Variants in RPS6KC1 observed in about 807,000 individuals in gnomAD.
RPS6KC1 encodes the protein inactive ribosomal protein S6 kinase delta-1.
Under a neutral mutation model 103.8 loss-of-function variants are expected in RPS6KC1, and 54 were observed. That is an observed-to-expected ratio of 0.52 (90% CI 0.42 to 0.65). The LOEUF is 0.65. Ranked by LOEUF, RPS6KC1 falls within the 30% of genes least tolerant of loss-of-function variation. The pLI is 0.00. For missense variants in RPS6KC1, 1,151 were observed against 1,253.8 expected (o/e 0.92, Z 1.24); for synonymous variants, 439 against 438.7 (o/e 1.00, Z -0.01).
At chr1:213,701,091 A>G in the RPS6KC1 span, among the ~76,000 whole-genome samples, 1 of 151,988 alleles carries the variant, frequency 6.6e-6, no homozygotes, top group Admixed American at 6.5e-5. Context: ...CCAGTGTTAC[A>G]TTGAATAACA....
the RPS6KC1 span, among the ~76,000 whole-genome samples, chr1:213,630,909 A>G: frequency 6.6e-6 from 1 of 152,184 alleles, no homozygotes; most frequent in African/African-American, 2.4e-5. Flanking sequence ...TGAACAGCAA[A>G]TGTTGCTGTC....
chr1:213,453,702 G>A, the RPS6KC1 span, among the ~76,000 whole-genome samples: 5 of 152,124 alleles, frequency 3.3e-5, no homozygotes, highest in South Asian at 4.1e-4. Context: ...GTTGAAAGTC[G>A]CTGAACAAGT....
At chr1:213,530,449 C>T in the RPS6KC1 span, among the ~76,000 whole-genome samples, 1 of 152,288 alleles carries the variant, frequency 6.6e-6, no homozygotes, top group Non-Finnish European at 1.5e-5. Flanking sequence ...CAGGTCTGTC[C>T]CCAACTATGT....
chr1:213,177,052 G>T (rs2091921400), intron 8 of RPS6KC1, among the ~76,000 whole-genome samples: 1 of 152,014 alleles, frequency 6.6e-6, no homozygotes, highest in Non-Finnish European at 1.5e-5. Flanking sequence ...TACTTTTTTT[G>T]ACTCAAAAGC....
intron 1 of RPS6KC1, among the ~76,000 whole-genome samples, chr1:213,058,452 G>GT (rs569180530): frequency 1.5e-3 from 216 of 141,990 alleles, no homozygotes; most frequent in African/African-American, 5.5e-3. Flanking sequence ...TTTGTTTTTT[G>GT]TTTTTTTATA....
chr1:213,648,698 C>A, the RPS6KC1 span, among the ~76,000 whole-genome samples: 4 of 152,102 alleles, frequency 2.6e-5, no homozygotes, highest in East Asian at 7.7e-4. Context: ...GATGGGCCAT[C>A]TCCTGACTAG....
At chr1:213,235,188 A>G (rs1401028992) in intron 10 of RPS6KC1, among the ~76,000 whole-genome samples, 3 of 152,336 alleles carry the variant, frequency 2.0e-5, no homozygotes, top group South Asian at 4.1e-4. Flanking sequence ...TCCACTGCTT[A>G]CAGAACTACT....
At chr1:213,266,785 C>T (rs2094920765) in intron 14 of RPS6KC1, among the ~76,000 whole-genome samples, 1 of 151,832 alleles carries the variant, frequency 6.6e-6, no homozygotes, top group Non-Finnish European at 1.5e-5. Flanking sequence ...TGCCTGTAGT[C>T]CCAGGTACTT....
intron 10 of RPS6KC1, among the ~76,000 whole-genome samples, chr1:213,233,567 A>G (rs371733327): frequency 1.3e-5 from 2 of 152,260 alleles, no homozygotes; most frequent in African/African-American, 4.8e-5. Flanking sequence ...TTTCAGTCTT[A>G]ACTTACCTGT....
chr1:213,697,886 A>G, the RPS6KC1 span, among the ~76,000 whole-genome samples: 1 of 152,126 alleles, frequency 6.6e-6, no homozygotes, highest in African/African-American at 2.4e-5. Context: ...TTTGATTTCC[A>G]GCTATTGTAG....
chr1:213,491,324 G>C, the RPS6KC1 span, among the ~76,000 whole-genome samples: 6 of 152,124 alleles, frequency 3.9e-5, no homozygotes, highest in Non-Finnish European at 8.8e-5. Context: ...GAGGTGGGTG[G>C]ATCCTTTGAG....
At chr1:213,459,437 T>G in the RPS6KC1 span, among the ~76,000 whole-genome samples, 1 of 152,212 alleles carries the variant, frequency 6.6e-6, no homozygotes, top group Non-Finnish European at 1.5e-5. Flanking sequence ...GGATCAGCGA[T>G]GATAACCCTT....
intron 3 of RPS6KC1, among the ~76,000 whole-genome samples, chr1:213,078,231 C>CTTTTTTTTTTT (rs11416944): frequency 7.8e-6 from 1 of 128,352 alleles, no homozygotes; most frequent in Non-Finnish European, 1.6e-5. Context: ...CCTTAGTATT[C>CTTTTTTTTTTT]TTTTTTTTTT....
At chr1:213,289,488 A>G in the RPS6KC1 span, among the ~76,000 whole-genome samples, 2 of 152,226 alleles carry the variant, frequency 1.3e-5, no homozygotes, top group African/African-American at 4.8e-5. Context: ...ATAAATAAAA[A>G]TGAAACTCAT....
chr1:213,676,510 G>T, the RPS6KC1 span, among the ~76,000 whole-genome samples: 1 of 152,204 alleles, frequency 6.6e-6, no homozygotes, highest in Non-Finnish European at 1.5e-5. Context: ...AGAATGTTTT[G>T]CTTTATAGTT....
In RPS6KC1 at chr1:213,051,276, C is replaced by G; in HGVS notation, c.-129C>G. Reference sequence around the variant, plus strand: ...CAGAGCTGTGCAGCTGAGGCGCCGCCGTGGAGCCGCCTTGGAGCCACCGCC... The same window carrying G: ...CAGAGCTGTGCAGCTGAGGCGCCGCGGTGGAGCCGCCTTGGAGCCACCGCC... On this transcript the variant is annotated 5_prime_UTR_variant, in exon 1 of 15. Transcript: ENST00000366960. The G allele has an allele frequency of 3.1e-6, 2 of 648,914 alleles. No homozygotes were observed. The highest frequency in any genetic ancestry group is 5.4e-6 in the Non-Finnish European group (2 of 371,460). The allele number at this position is 648,914 out of a possible 1,614,324, so 40.2% of individuals were successfully genotyped here.
chr1:213,256,336 CAGCTT>C (rs2149060963), intron 12 of RPS6KC1, among the ~76,000 whole-genome samples: 1 of 152,154 alleles, frequency 6.6e-6, no homozygotes, highest in Non-Finnish European at 1.5e-5. Flanking sequence ...CTGTGGTTGA[CAGCTT>C]AGCTAAAGTG....
At chr1:213,739,864 T>C in the RPS6KC1 span, among the ~76,000 whole-genome samples, 1 of 152,128 alleles carries the variant, frequency 6.6e-6, no homozygotes, top group Non-Finnish European at 1.5e-5. Flanking sequence ...GTAAGATGTT[T>C]CTTAAGAATA....
the RPS6KC1 span, among the ~76,000 whole-genome samples, chr1:213,439,355 T>G: frequency 1.3e-5 from 2 of 151,478 alleles, no homozygotes; most frequent in African/African-American, 4.9e-5. Flanking sequence ...ACACATTGGT[T>G]TGATGCAAGC....
Sources: gnomAD v4.1 joint callset for allele counts (sites outside exome capture counted in the v4.1 genomes callset) on GRCh38, gnomAD v4.1.1 for gene constraint, MANE v1.5 for transcripts, NCBI Gene and HGNC (gene_info 2026-07-23, HGNC 2026-07-21) for gene names.